The following SPART variants were observed in gnomAD, a reference collection of about 807,000 sequenced individuals.
The protein encoded by SPART is spartin, also known as spastic paraplegia 20 (Troyer syndrome).
SPART carries 35 observed loss-of-function variants against 58.7 expected under a neutral mutation model. The observed-to-expected ratio is 0.60, with a 90% CI of 0.46 to 0.79. The LOEUF (loss-of-function observed/expected upper bound fraction) is 0.79, where lower values mean the gene tolerates loss of function less well. Among genes scored for constraint, SPART ranks in the 30% least tolerant of loss-of-function variants. SPART has a pLI of 0.00. For missense variants in SPART, 730 were observed against 786.1 expected (o/e 0.93, Z 0.85); for synonymous variants, 284 against 280.7 (o/e 1.01, Z -0.12).
chr13:36,361,379 CTTTGCATCATTCT>C (rs1472773649), intron 1 of SPART, among the ~76,000 whole-genome samples: 2 of 152,030 alleles, frequency 1.3e-5, no homozygotes, highest in Admixed American at 1.3e-4. Context: ...TTTTCAATCG[CTTTGCATCATTCT>C]TTTTTGTTGT....
At chr13:36,327,649 T>G (rs983742330) in intron 4 of SPART, among the ~76,000 whole-genome samples, 3 of 152,188 alleles carry the variant, frequency 2.0e-5, no homozygotes, top group Non-Finnish European at 4.4e-5. Flanking sequence ...TGTGTGTATT[T>G]AACTACGCAT....
intron 8 of SPART, among the ~76,000 whole-genome samples, chr13:36,305,590 G>C (rs1248615417): frequency 6.6e-6 from 1 of 152,042 alleles, no homozygotes; most frequent in Non-Finnish European, 1.5e-5. Flanking sequence ...CAAATGCATA[G>C]CAAGTGCTTG....
intron 5 of SPART, among the ~76,000 whole-genome samples, chr13:36,324,240 G>C (rs1882692595): frequency 6.6e-6 from 1 of 152,154 alleles, no homozygotes; most frequent in Non-Finnish European, 1.5e-5. Flanking sequence ...AATGATGTTG[G>C]AAATTTCCAA....
intron 1 of SPART, among the ~76,000 whole-genome samples, chr13:36,357,954 G>A (rs371265974): frequency 1.3e-5 from 2 of 152,078 alleles, no homozygotes; most frequent in Admixed American, 6.6e-5. Context: ...TGGAAAGATC[G>A]AGGCCCAGAA....
At chr13:36,356,829 A>G (rs1885639033) in intron 1 of SPART, among the ~76,000 whole-genome samples, 1 of 152,236 alleles carries the variant, frequency 6.6e-6, no homozygotes, top group Admixed American at 6.5e-5. Context: ...CAACATAAGT[A>G]AGGGAGGATA....
chr13:36,333,285 GA>G (rs1400366477), intron 2 of SPART, among the ~76,000 whole-genome samples: 1 of 151,940 alleles, frequency 6.6e-6, no homozygotes, highest in Non-Finnish European at 1.5e-5. Context: ...AAAACCAAAA[GA>G]AAAATCTTTT....
chr13:36,366,197 T>C (rs1886047659), intron 1 of SPART, among the ~76,000 whole-genome samples: 2 of 152,250 alleles, frequency 1.3e-5, no homozygotes, highest in South Asian at 4.1e-4. Context: ...GCCGCCTCTC[T>C]TTCTTCACAT....
upstream of SPART, among the ~76,000 whole-genome samples, chr13:36,347,261 C>T (rs1022508106): frequency 1.3e-5 from 2 of 152,106 alleles, no homozygotes; most frequent in African/African-American, 4.8e-5. Context: ...CTATGTTGCC[C>T]AGGCTGGAGT....
At position 36,301,927 on chromosome 13, in the gene SPART, A is replaced by T. The variant is rs1880021178; in HGVS notation, c.*2438T>A. The T allele has an allele frequency of 1.3e-5, 2 of 152,230 alleles. No homozygotes were observed. Among genetic ancestry groups the T allele is most frequent in the South Asian group, 4.1e-4 (2 of 4,830 alleles). The allele number at this position is 152,230 out of a possible 1,614,324, so 9.4% of individuals were successfully genotyped here. A position where few individuals can be genotyped will look rare whatever the true frequency, so the allele number is the denominator to read the frequency against. On this transcript the variant is annotated 3_prime_UTR_variant, in exon 9 of 9. Coordinates refer to ENST00000438666, the MANE Select transcript of SPART (RefSeq NM_015087.5). ...GTGGTATACTCACACAGAATACTAT[A>T]GAGCAAGTAAACCATCCATGCATAT... is the stretch of plus-strand genomic sequence containing the variant.
chr13:36,328,133 T>C (rs1395279136), intron 4 of SPART, among the ~76,000 whole-genome samples: 1 of 152,206 alleles, frequency 6.6e-6, no homozygotes, highest in African/African-American at 2.4e-5. Flanking sequence ...TAAAACAACA[T>C]TTTTAAGTAA....
Position 36,304,221 on chromosome 13 carries a change from G to A in SPART, c.*144C>T. 1.1e-6 allele frequency: 1 copy of A among 922,198 alleles called. No homozygotes were observed. The highest frequency in any genetic ancestry group is 1.7e-6 in the Non-Finnish European group (1 of 589,868). 57.1% of individuals were successfully genotyped at this position (922,198 alleles called of 1,614,324 possible). A position where few individuals can be genotyped will look rare whatever the true frequency, so the allele number is the denominator to read the frequency against. On this transcript the variant is annotated 3_prime_UTR_variant, in exon 9 of 9. Transcript: ENST00000438666. ...TCTTTTCCTTTTAAATAGAAGACATGCCATAAAATTTATGAAAGTTAATTT... is the reference window on the plus strand; with the variant it reads ...TCTTTTCCTTTTAAATAGAAGACATACCATAAAATTTATGAAAGTTAATTT...
upstream of SPART, among the ~76,000 whole-genome samples, chr13:36,348,856 A>G (rs1303593816): frequency 6.6e-6 from 1 of 152,226 alleles, no homozygotes; most frequent in East Asian, 1.9e-4. Flanking sequence ...CCTAAAATTC[A>G]TACAATCCAG....
Position 36,312,068 on chromosome 13 carries a change from C to G in SPART, c.1733+77G>C. ...CGCCATTGCACTCCAGCTTGGGCAA[C>G]AAGAGAAACTCCCTCTCAGAAAAAC... On this transcript the variant is annotated intron_variant, in intron 8 of 8. Transcript: ENST00000438666. The G allele has an allele frequency of 2.9e-6, 4 of 1,399,658 alleles. No homozygotes were observed. The South Asian group carries it at 3.5e-5, about 12-fold the overall frequency. The allele number at this position is 1,399,658 out of a possible 1,614,324, so 86.7% of individuals were successfully genotyped here. A position where few individuals can be genotyped will look rare whatever the true frequency, so the allele number is the denominator to read the frequency against.
intron 2 of SPART, among the ~76,000 whole-genome samples, chr13:36,333,429 A>ATTTTT (rs34312130): frequency 4.5e-5 from 6 of 132,318 alleles, no homozygotes; most frequent in Non-Finnish European, 9.4e-5. Flanking sequence ...TTATTATTGT[A>ATTTTT]TTTTTTTTTT....
chr13:36,331,592 C>G lies in SPART; in HGVS notation c.815G>C (p.Cys272Ser), dbSNP rs188620997. The change falls in exon 3 of 9, where the codon TGT becomes TCT. Residue 272 changes from cysteine (C) to serine (S), a missense_variant. Transcript: ENST00000438666. Reference sequence around the variant, plus strand: ...AGGAACTAGAGGATATAACCAGTCACAAACCTGAAAGGATTCATTAGAAGA... The same window carrying G: ...AGGAACTAGAGGATATAACCAGTCAGAAACCTGAAAGGATTCATTAGAAGA... ...LNRPPGFLQV[C>S]DWLYPLVPDR... 6 of 1,612,358 alleles carry G rather than the reference C, an allele frequency of 3.7e-6. No homozygotes were observed. Among genetic ancestry groups the G allele is most frequent in the Admixed American group, 1.7e-5 (1 of 59,966 alleles).
At chr13:36,337,981 T>C in intron 1 of SPART, among the ~76,000 whole-genome samples, 1 of 152,170 alleles carries the variant, frequency 6.6e-6, no homozygotes, top group East Asian at 1.9e-4. Flanking sequence ...TTAGTGCCAG[T>C]TTTGCTGTTG....
At chr13:36,342,997 T>A (rs1337173686) in intron 1 of SPART, among the ~76,000 whole-genome samples, 1 of 152,166 alleles carries the variant, frequency 6.6e-6, no homozygotes, top group East Asian at 1.9e-4. Flanking sequence ...AAAGCCTCCC[T>A]ACCAACAAAC....
intron 3 of SPART, 61 bp downstream of exon 3, chr13:36,331,338 A>T: frequency 7.1e-7 from 1 of 1,414,686 alleles, no homozygotes; most frequent in Non-Finnish European, 1.0e-6. Context: ...ATTTCTCTAA[A>T]AGCTGAAGTG....
At chr13:36,318,809 A>G (rs1882022462) in intron 5 of SPART, among the ~76,000 whole-genome samples, 1 of 152,066 alleles carries the variant, frequency 6.6e-6, no homozygotes, top group Non-Finnish European at 1.5e-5. Flanking sequence ...CCCACTGAAA[A>G]TCGGACTGTT....
Sources: allele counts gnomAD v4.1 joint callset (sites outside exome capture counted in the v4.1 genomes callset), GRCh38; gene constraint gnomAD v4.1.1; transcripts MANE v1.5; gene names NCBI Gene and HGNC (gene_info 2026-07-23, HGNC 2026-07-21).